Variants in PCLO observed in about 807,000 individuals in gnomAD.
The protein encoded by PCLO is piccolo presynaptic cytomatrix protein.
PCLO carries 82 observed loss-of-function variants against 427.5 expected under a neutral mutation model. The observed-to-expected ratio is 0.19, with a 90% CI of 0.16 to 0.23. The LOEUF is 0.23. PCLO is among the 10% of genes least tolerant of loss of function. The pLI is 1.00. For missense variants in PCLO, 6,239 were observed against 6,115.9 expected, an observed-to-expected ratio of 1.02 and a Z score of -0.67; for synonymous variants, 2,357 against 2,155.4, an observed-to-expected ratio of 1.09 and a Z score of -2.59.
At chr7:82,844,922 T>C (rs962588306) in intron 13 of PCLO, among the ~76,000 whole-genome samples, 9 of 152,252 alleles carry the variant, frequency 5.9e-5, no homozygotes, top group Middle Eastern at 3.4e-3. Flanking sequence ...TAAAATCTAA[T>C]GTAATATGTA....
At chr7:82,815,196 C>T (rs533851989) in intron 20 of PCLO, among the ~76,000 whole-genome samples, 2 of 151,900 alleles carry the variant, frequency 1.3e-5, no homozygotes, top group South Asian at 4.2e-4. Flanking sequence ...TGGTTAAAAA[C>T]GAACAAAACA....
chr7:82,859,259 G>C (rs1481728748), intron 10 of PCLO, among the ~76,000 whole-genome samples: 1 of 152,172 alleles, frequency 6.6e-6, no homozygotes, highest in African/African-American at 2.4e-5. Flanking sequence ...AGTGAACATA[G>C]GCAATAGACA....
intron 4 of PCLO, among the ~76,000 whole-genome samples, chr7:82,959,483 AGTTACGG>A (rs1795607767): frequency 6.6e-6 from 1 of 152,248 alleles, no homozygotes; most frequent in South Asian, 2.1e-4. Context: ...CCATTTAAAA[AGTTACGG>A]TTTTATATAA....
In PCLO at chr7:83,134,800, T is replaced by G. The variant is rs756455923; in HGVS notation, c.2750A>C (p.Lys917Thr). Residue 917 changes from lysine to threonine, a missense_variant, in exon 3 of 25, where the codon AAA becomes ACA. Around this residue, in one of 5 missense-constraint regions of PCLO, gnomAD observed 4,677 missense variants for 4,468.4 expected, o/e 1.05. Coordinates refer to ENST00000333891, the MANE Select transcript of PCLO (RefSeq NM_033026.6). ...LNLGSITDAP[K>T]SQPTTPQETV... is the part of the protein sequence containing the mutation. ...CTCTTGAGGAGTTGTAGGCTGTGAT[T>G]TGGGGGCATCAGTAATACTTCCCAG... is the stretch of plus-strand genomic sequence containing the variant. 1 of 1,613,696 alleles carries G rather than the reference T, an allele frequency of 6.2e-7. No individual in the cohort carries two copies. Among genetic ancestry groups the G allele is most frequent in the African/African-American group, 1.3e-5 (1 of 74,868 alleles).
chr7:82,854,555 G>A (rs1467097520), intron 10 of PCLO, among the ~76,000 whole-genome samples: 1 of 151,934 alleles, frequency 6.6e-6, no homozygotes, highest in East Asian at 1.9e-4. Context: ...CAGGAGATTT[G>A]CAGTATCATC....
At chr7:83,094,143 G>A (rs1413763790) in intron 3 of PCLO, among the ~76,000 whole-genome samples, 2 of 147,486 alleles carry the variant, frequency 1.4e-5, no homozygotes, top group East Asian at 2.0e-4. Flanking sequence ...CTATAATTTT[G>A]TCATTTCAAG....
intron 11 of PCLO, 128 bp from the exon 12 acceptor site, chr7:82,846,762 A>G (rs1315468246): frequency 3.3e-6 from 2 of 613,232 alleles, no homozygotes. Context: ...AGCAACTCCA[A>G]AGCATGCCTA....
intron 8 of PCLO, among the ~76,000 whole-genome samples, chr7:82,905,864 C>A (rs973103594): frequency 7.9e-4 from 120 of 151,958 alleles, no homozygotes; most frequent in Non-Finnish European, 2.8e-4. Flanking sequence ...GAAGTGCTGA[C>A]CTTTACAACC....
rs1163064316 is a variant in PCLO at position 82,950,298 on chromosome 7, C to T, written c.10290G>A (p.Met3430Ile). ...TTTTAAAACTTCGGGGATCATCTGT[C>T]ATATTTTCTCCCATGTCATCATACT... The part of the protein sequence containing the change: ...RGQYDDMGEN[M>I]TDDPRSFKKI... Residue 3430 changes from methionine to isoleucine, a missense_variant, in exon 6 of 25, where the codon ATG (methionine) becomes ATA (isoleucine). Coordinates refer to ENST00000333891, the MANE Select transcript of PCLO (RefSeq NM_033026.6). 1 of 1,613,418 alleles carries T rather than the reference C, an allele frequency of 6.2e-7. No individual in the cohort carries two copies. The highest frequency in any genetic ancestry group is 8.5e-7 in the Non-Finnish European group (1 of 1,179,810).
chr7:83,151,023 C>T (rs1175425385), intron 2 of PCLO, among the ~76,000 whole-genome samples: 2 of 152,116 alleles, frequency 1.3e-5, no homozygotes, highest in Admixed American at 1.3e-4. Context: ...CCCAAAATTT[C>T]ATCAACCTTA....
chr7:83,086,998 C>A (rs967348958), intron 3 of PCLO, among the ~76,000 whole-genome samples: 2 of 138,482 alleles, frequency 1.4e-5, no homozygotes, highest in Non-Finnish European at 3.0e-5. Context: ...TGTTCTCACT[C>A]ATAGGTGGGA....
chr7:83,039,393 T>C (rs1233188450), intron 3 of PCLO, among the ~76,000 whole-genome samples: 1 of 152,042 alleles, frequency 6.6e-6, no homozygotes, highest in Non-Finnish European at 1.5e-5. Flanking sequence ...TTTCTGTATA[T>C]AGCGTGAAGT....
At chr7:82,772,623 C>A in intron 22 of PCLO, among the ~76,000 whole-genome samples, 1 of 152,120 alleles carries the variant, frequency 6.6e-6, no homozygotes, top group South Asian at 2.1e-4. Flanking sequence ...GTAGGACAAG[C>A]CTGCACATTC....
At chr7:82,800,958 T>C (rs547933426) in intron 22 of PCLO, among the ~76,000 whole-genome samples, 3 of 152,126 alleles carry the variant, frequency 2.0e-5, no homozygotes, top group South Asian at 2.1e-4. Flanking sequence ...ACTCCTTTTA[T>C]ATGTTTGCTG....
chr7:82,949,969 C>T lies in PCLO; in HGVS notation c.10619G>A (p.Arg3540Gln), dbSNP rs775760043. 1.5e-5 allele frequency: 25 copies of T among 1,613,288 alleles called. No individual in the cohort carries two copies. The highest frequency in any genetic ancestry group is 1.9e-5 in the Non-Finnish European group (22 of 1,179,770). ...PVGTIRTPSI[R>Q]ARVDAKVEII... is the part of the protein sequence containing the mutation. The stretch of plus-strand genomic sequence containing the variant: ...TTCTACCTTGGCATCCACTCGTGCC[C>T]GTATGGAGGGTGTTCTTATGGTTCC... Residue 3540 changes from arginine (R) to glutamine (Q), a missense_variant, in exon 6 of 25, where the codon CGG becomes CAG. Physicochemically the swap from Arg to Gln is conservative, Grantham distance 43. Transcript: ENST00000333891.
At chr7:82,799,584 C>T (rs1219347291) in intron 22 of PCLO, among the ~76,000 whole-genome samples, 1 of 152,118 alleles carries the variant, frequency 6.6e-6, no homozygotes, top group Non-Finnish European at 1.5e-5. Context: ...TCGGTCTCTT[C>T]CTTCCTTTCT....
At chr7:82,811,508 A>G (rs1201081789) in intron 20 of PCLO, among the ~76,000 whole-genome samples, 2 of 151,588 alleles carry the variant, frequency 1.3e-5, no homozygotes, top group Non-Finnish European at 3.0e-5. Flanking sequence ...TGAAAATTTC[A>G]GGTTTTAAGT....
chr7:82,917,948 T>C lies in PCLO; in HGVS notation c.11113-1075A>G, dbSNP rs201125466. ...TGCCTTTTTATTATTTCCAAATTAATTTCCTTAATAATTTTTATTTGTTTT... is the reference window on the plus strand; with the variant it reads ...TGCCTTTTTATTATTTCCAAATTAACTTCCTTAATAATTTTTATTTGTTTT... On this transcript the variant is annotated intron_variant, in intron 6 of 24. Transcript: ENST00000333891. Among the ~76,000 whole-genome samples, 3 of 152,032 alleles carry C rather than the reference T, an allele frequency of 2.0e-5. No homozygotes were observed. The East Asian group carries it at 5.8e-4, about 29-fold the overall frequency.
chr7:83,001,008 C>T (rs552102122), intron 3 of PCLO, among the ~76,000 whole-genome samples: 1 of 151,800 alleles, frequency 6.6e-6, no homozygotes, highest in Non-Finnish European at 1.5e-5. Flanking sequence ...TTAAAGTGTA[C>T]TACTTTCTTT....
Sources: allele counts gnomAD v4.1 joint callset (sites outside exome capture counted in the v4.1 genomes callset), GRCh38; gene constraint gnomAD v4.1.1; regional missense constraint gnomAD v4.1.1; transcripts MANE v1.5; gene names NCBI Gene and HGNC (gene_info 2026-07-23, HGNC 2026-07-21).